DCC: variants seen among roughly 807,000 people sequenced by gnomAD.
DCC encodes DCC netrin 1 receptor, also known as netrin receptor DCC.
Under a neutral mutation model 172.5 loss-of-function variants are expected in DCC, and 58 were observed. That is an observed-to-expected ratio of 0.34 (90% CI 0.27 to 0.42). DCC has a LOEUF of 0.42. Among genes scored for constraint, DCC ranks in the 10% least tolerant of loss-of-function variants. The pLI, the probability that DCC is intolerant of heterozygous loss-of-function variation, is 1.00. For synonymous variants in DCC, 709 were observed against 644.5 expected (o/e 1.10, Z -1.52); for missense variants, 1,740 against 1,791.0 (o/e 0.97, Z 0.51).
chr18:53,458,681 G>A lies in DCC; in HGVS notation c.3393-551G>A, dbSNP rs891813831. 3.3e-5 allele frequency among the ~76,000 whole-genome samples: 5 copies of A among 152,154 alleles called. No homozygotes were observed. In the East Asian group the frequency reaches 9.6e-4, roughly 29 times the overall value. On this transcript the variant is annotated intron_variant, in intron 23 of 28. Transcript: ENST00000442544. ...AATCTGGACACTCAGTGATGCCAAGGCAAAAGTGTTTTATTCTCCTAAGAA... is the reference window on the plus strand; with the variant it reads ...AATCTGGACACTCAGTGATGCCAAGACAAAAGTGTTTTATTCTCCTAAGAA...
intron 7 of DCC, among the ~76,000 whole-genome samples, chr18:53,101,350 C>A (rs1287853574): frequency 6.6e-6 from 1 of 151,984 alleles, no homozygotes. Flanking sequence ...GCAGAAAGAG[C>A]TAGTTAGATT....
At chr18:52,709,027 A>T (rs2036254446) in intron 1 of DCC, among the ~76,000 whole-genome samples, 1 of 152,088 alleles carries the variant, frequency 6.6e-6, no homozygotes, top group Non-Finnish European at 1.5e-5. Context: ...TATTTCTGGC[A>T]ATCTTTTCTC....
At chr18:53,268,026 A>C (rs1481033072) in intron 12 of DCC, among the ~76,000 whole-genome samples, 1 of 152,206 alleles carries the variant, frequency 6.6e-6, no homozygotes, top group Non-Finnish European at 1.5e-5. Context: ...CCTTATTGCA[A>C]ACTTATTACT....
intron 25 of DCC, among the ~76,000 whole-genome samples, chr18:53,476,414 G>A (rs188757690): frequency 6.0e-4 from 92 of 152,150 alleles, no homozygotes; most frequent in African/African-American, 1.9e-3. Context: ...ATTGAATTTC[G>A]GAGCCAGGTT....
chr18:53,291,051 C>G (rs2056997918), intron 12 of DCC, among the ~76,000 whole-genome samples: 1 of 151,834 alleles, frequency 6.6e-6, no homozygotes, highest in Non-Finnish European at 1.5e-5. Context: ...TCCTGTAATC[C>G]CAGCCACTCA....
At chr18:53,514,246 A>G (rs533600173) in intron 27 of DCC, among the ~76,000 whole-genome samples, 1 of 152,160 alleles carries the variant, frequency 6.6e-6, no homozygotes, top group African/African-American at 2.4e-5. Flanking sequence ...ATGTTCTTTG[A>G]AACCAACGAG....
chr18:53,009,261 A>T (rs1347277202), intron 5 of DCC, among the ~76,000 whole-genome samples: 4 of 151,938 alleles, frequency 2.6e-5, no homozygotes, highest in African/African-American at 9.7e-5. Flanking sequence ...ATAAGCTTTT[A>T]TTATTTTCTG....
intron 5 of DCC, among the ~76,000 whole-genome samples, chr18:53,047,257 T>A (rs1367176332): frequency 8.6e-5 from 1 of 11,616 alleles, no homozygotes; most frequent in African/African-American, 6.8e-4. Flanking sequence ...TATATATATA[T>A]ATATATATAT....
chr18:52,373,557 A>G (rs1985214582), intron 1 of DCC, among the ~76,000 whole-genome samples: 1 of 152,156 alleles, frequency 6.6e-6, no homozygotes, highest in South Asian at 2.1e-4. Context: ...TCATAACCCC[A>G]CAAGGCTCTC....
intron 12 of DCC, among the ~76,000 whole-genome samples, chr18:53,259,575 G>A (rs1416119929): frequency 6.6e-6 from 1 of 152,182 alleles, no homozygotes; most frequent in African/African-American, 2.4e-5. Flanking sequence ...TCTGCCAAGA[G>A]ATCTGCTGTT....
intron 2 of DCC, among the ~76,000 whole-genome samples, chr18:52,788,229 A>G (rs1329183206): frequency 2.6e-5 from 4 of 152,170 alleles, no homozygotes; most frequent in Non-Finnish European, 5.9e-5. Flanking sequence ...GCTTTCTTAT[A>G]ATCTTTTACT....
At chr18:52,471,448 T>G (rs1480457365) in intron 1 of DCC, among the ~76,000 whole-genome samples, 2 of 152,256 alleles carry the variant, frequency 1.3e-5, no homozygotes, top group Non-Finnish European at 2.9e-5. Flanking sequence ...TTATCACTTA[T>G]GCTTCAGCAT....
At chr18:52,458,981 A>G (rs1015697681) in intron 1 of DCC, among the ~76,000 whole-genome samples, 2 of 152,176 alleles carry the variant, frequency 1.3e-5, no homozygotes, top group African/African-American at 4.8e-5. Context: ...CTTCTTCTAT[A>G]CTAGGCCATG....
intron 1 of DCC, among the ~76,000 whole-genome samples, chr18:52,445,867 A>G (rs1298695796): frequency 6.6e-6 from 1 of 152,178 alleles, no homozygotes; most frequent in South Asian, 2.1e-4. Context: ...AATCTTCTAC[A>G]TTCGAAGGAT....
chr18:52,801,581 A>C (rs1053398128), intron 2 of DCC, among the ~76,000 whole-genome samples: 1 of 152,238 alleles, frequency 6.6e-6, no homozygotes, highest in African/African-American at 2.4e-5. Flanking sequence ...CTATGTTTCT[A>C]TCCATACAAC....
In DCC at chr18:53,045,821, C is replaced by T. The variant is rs370136417; in HGVS notation, c.986-17484C>T. On this transcript the variant is annotated intron_variant, in intron 5 of 28. Coordinates refer to ENST00000442544, the MANE Select transcript of DCC (RefSeq NM_005215.4). The stretch of plus-strand genomic sequence containing the variant: ...TTTTTGAAATAGAAATGTTTTATTC[C>T]GAATTACCACTATGAATTACACATG... 1.9e-4 allele frequency among the ~76,000 whole-genome samples: 29 copies of T among 151,856 alleles called. No individual in the cohort carries two copies. The East Asian group carries it at 4.5e-3, about 23-fold the overall frequency.
intron 2 of DCC, among the ~76,000 whole-genome samples, chr18:52,834,712 A>C (rs942102061): frequency 1.6e-4 from 24 of 152,334 alleles, no homozygotes; most frequent in African/African-American, 5.8e-4. Context: ...TTATTTGAAA[A>C]ATTAGAAAAG....
At position 52,552,981 on chromosome 18, in the gene DCC, T is replaced by A. The variant is rs1568226248; in HGVS notation, c.92-199073T>A. 3.9e-5 allele frequency among the ~76,000 whole-genome samples: 6 copies of A among 152,226 alleles called. No homozygotes were observed. In the South Asian group the frequency reaches 1.2e-3, roughly 32 times the overall value. On this transcript the variant is annotated intron_variant, in intron 1 of 28. Transcript: ENST00000442544. ...GAAAATCATATGCAGTTTCACAGGC[T>A]GCAGGTTACAGCATTATTGGGTTTA... is the stretch of plus-strand genomic sequence containing the variant.
At chr18:52,801,364 C>T (rs943728835) in intron 2 of DCC, among the ~76,000 whole-genome samples, 1 of 152,052 alleles carries the variant, frequency 6.6e-6, no homozygotes, top group African/African-American at 2.4e-5. Flanking sequence ...TTAATTGTAA[C>T]AAAGCCTATT....
Sources: gnomAD v4.1 joint callset for allele counts (sites outside exome capture counted in the v4.1 genomes callset) on GRCh38, gnomAD v4.1.1 for gene constraint, MANE v1.5 for transcripts, NCBI Gene and HGNC (gene_info 2026-07-23, HGNC 2026-07-21) for gene names.